Variants in CCDC171 observed in about 807,000 individuals in gnomAD.
CCDC171 encodes coiled-coil domain containing 171.
In CCDC171, 177 loss-of-function variants were observed where a neutral mutation model predicts 168.2. That is an observed-to-expected ratio of 1.05 (90% CI 0.93 to 1.19). The LOEUF (loss-of-function observed/expected upper bound fraction) is 1.19. Among genes scored for constraint, CCDC171 ranks in the 50% most tolerant of loss-of-function variants. The probability of loss-of-function intolerance (pLI) is 0.00; values close to 1 mark genes in which losing one functional copy is unlikely to be tolerated. For missense variants in CCDC171, 1,991 were observed against 1,539.0 expected (o/e 1.29, Z -4.91); for synonymous variants, 687 against 540.8 (o/e 1.27, Z -3.75).
the CCDC171 span, among the ~76,000 whole-genome samples, chr9:16,085,077 G>T: frequency 6.6e-6 from 1 of 152,216 alleles, no homozygotes; most frequent in Non-Finnish European, 1.5e-5. Flanking sequence ...CACCTTGCTT[G>T]GATCCTGGGA....
intron 18 of CCDC171, among the ~76,000 whole-genome samples, chr9:15,757,740 G>T (rs2056211900): frequency 6.6e-6 from 1 of 152,200 alleles, no homozygotes; most frequent in African/African-American, 2.4e-5. Flanking sequence ...CCCCCGTGCT[G>T]TGGTCAGCCT....
rs1022682000 is a variant in CCDC171, at chr9:15,750,119, A to C, written c.2671+4488A>C. ...AGAGAAGAATCAAATAGATGCAATAAAAAATGACAAAGGGGATATCACCAC... is the reference window on the plus strand; with the variant it reads ...AGAGAAGAATCAAATAGATGCAATACAAAATGACAAAGGGGATATCACCAC... On this transcript the variant is annotated intron_variant, in intron 18 of 25. Transcript: ENST00000380701. 2.6e-5 allele frequency among the ~76,000 whole-genome samples: 4 copies of C among 152,130 alleles called. No individual in the cohort carries two copies. The East Asian group carries it at 7.7e-4, about 29-fold the overall frequency.
chr9:16,017,478 C>T (rs1833054424), intron 3 of CCDC171, among the ~76,000 whole-genome samples: 1 of 151,956 alleles, frequency 6.6e-6, no homozygotes, highest in Non-Finnish European at 1.5e-5. Flanking sequence ...CCTCATAGTC[C>T]ATACAACTTT....
At chr9:15,876,888 T>G (rs1187898547) in intron 24 of CCDC171, among the ~76,000 whole-genome samples, 2 of 152,118 alleles carry the variant, frequency 1.3e-5, no homozygotes, top group Non-Finnish European at 2.9e-5. Flanking sequence ...GAAGAGAGGA[T>G]CACTCAGCAG....
At chr9:16,045,591 C>A (rs1299133826) in intron 1 of CCDC171, among the ~76,000 whole-genome samples, 1 of 152,124 alleles carries the variant, frequency 6.6e-6, no homozygotes, top group Non-Finnish European at 1.5e-5. Flanking sequence ...CAACTCTGGC[C>A]ATGGGTAGTC....
chr9:15,695,233 A>G lies in CCDC171; in HGVS notation c.1216-2A>G, dbSNP rs990704795. Reference sequence around the variant, plus strand: ...ATGTGTAATTTTTTTCTTAATTAAAAGGCTAAGAAGCACCAGGCCTTCCTA... The same window carrying G: ...ATGTGTAATTTTTTTCTTAATTAAAGGGCTAAGAAGCACCAGGCCTTCCTA... On this transcript the variant is annotated splice_acceptor_variant, in intron 10 of 25. Coordinates refer to ENST00000380701, the MANE Select transcript of CCDC171 (RefSeq NM_173550.4). LOFTEE classifies it high-confidence loss of function. 7 of 1,610,118 alleles carry G rather than the reference A, an allele frequency of 4.3e-6. No homozygotes were observed. Among genetic ancestry groups the G allele is most frequent in the Middle Eastern group, 3.3e-4 (2 of 6,084 alleles).
intron 3 of CCDC171, among the ~76,000 whole-genome samples, chr9:15,982,196 G>C (rs1386842231): frequency 6.7e-6 from 1 of 149,900 alleles, no homozygotes; most frequent in East Asian, 1.9e-4. Flanking sequence ...TCATAGCACA[G>C]ACATAGCCTT....
At chr9:15,818,189 A>G (rs2059631593) in intron 21 of CCDC171, among the ~76,000 whole-genome samples, 1 of 117,026 alleles carries the variant, frequency 8.5e-6, no homozygotes, top group Admixed American at 8.1e-5. Context: ...CCAAAACCCC[A>G]TCTGTACGTC....
chr9:15,950,847 A>T (rs1287968768), intron 25 of CCDC171, among the ~76,000 whole-genome samples: 1 of 151,556 alleles, frequency 6.6e-6, no homozygotes, highest in Non-Finnish European at 1.5e-5. Context: ...TAAAGAGTCA[A>T]GACCCATCAG....
At chr9:15,640,995 T>G (rs777607790) in intron 7 of CCDC171, among the ~76,000 whole-genome samples, 6 of 152,132 alleles carry the variant, frequency 3.9e-5, no homozygotes, top group Non-Finnish European at 8.8e-5. Flanking sequence ...TAACAGCTAT[T>G]AAAATGTAAC....
At chr9:15,666,374 A>G (rs762747808) in intron 9 of CCDC171, 51 bp downstream of exon 9, 1 of 1,320,020 alleles carries the variant, frequency 7.6e-7, no homozygotes, top group East Asian at 2.5e-5. Flanking sequence ...ATTTTAAAAG[A>G]GCTATATAAA....
intron 25 of CCDC171, among the ~76,000 whole-genome samples, chr9:15,952,162 G>C (rs1215054007): frequency 6.6e-6 from 1 of 152,074 alleles, no homozygotes; most frequent in Non-Finnish European, 1.5e-5. Flanking sequence ...AAATGGTGTT[G>C]ACATCCTTGT....
At chr9:16,001,693 G>C (rs1377372361) in intron 3 of CCDC171, among the ~76,000 whole-genome samples, 4 of 152,064 alleles carry the variant, frequency 2.6e-5, no homozygotes, top group Admixed American at 6.6e-5. Context: ...TAACACAGTA[G>C]TACAATGCAA....
In CCDC171 at chr9:15,694,623, A is replaced by G. The variant is rs533848955; in HGVS notation, c.1216-612A>G. Among the ~76,000 whole-genome samples the G allele has an allele frequency of 2.4e-4, 36 of 152,286 alleles. No homozygotes were observed. In the South Asian group the frequency reaches 7.5e-3, roughly 32 times the overall value. ...AGTCTCAACTCTTCTTTTTCTGCGTACTTCCCTTATCCTCATCCAATCCAA... is the reference window on the plus strand; with the variant it reads ...AGTCTCAACTCTTCTTTTTCTGCGTGCTTCCCTTATCCTCATCCAATCCAA... On this transcript the variant is annotated intron_variant, in intron 10 of 25. Transcript: ENST00000380701.
chr9:15,753,190 A>G (rs1180894607), intron 18 of CCDC171, among the ~76,000 whole-genome samples: 3 of 152,112 alleles, frequency 2.0e-5, no homozygotes, highest in African/African-American at 7.2e-5. Flanking sequence ...GAATCTACAG[A>G]AGGTGCTGCT....
intron 6 of CCDC171, among the ~76,000 whole-genome samples, chr9:16,023,879 T>C (rs1214226483): frequency 8.3e-6 from 1 of 120,536 alleles, no homozygotes; most frequent in Non-Finnish European, 1.6e-5. Context: ...CCTGGATCCA[T>C]GTTACCTTAC....
intron 23 of CCDC171, among the ~76,000 whole-genome samples, chr9:15,852,816 C>T (rs1468189392): frequency 1.3e-5 from 2 of 151,532 alleles, no homozygotes; most frequent in East Asian, 3.9e-4. Context: ...ATTCCAGCAC[C>T]ATTTGTTGAA....
intron 4 of CCDC171, among the ~76,000 whole-genome samples, chr9:15,582,625 C>T (rs1290569373): frequency 1.3e-5 from 2 of 152,120 alleles, no homozygotes; most frequent in Non-Finnish European, 2.9e-5. Flanking sequence ...AGTTCATGTC[C>T]TTTGCAGGGA....
chr9:15,897,176 A>G (rs560669829), intron 24 of CCDC171, among the ~76,000 whole-genome samples: 47 of 152,198 alleles, frequency 3.1e-4, no homozygotes, highest in African/African-American at 1.1e-3. Flanking sequence ...TTGCTTGTCA[A>G]GTCCTTTACT....
Sources: gnomAD v4.1 joint callset for allele counts (sites outside exome capture counted in the v4.1 genomes callset) on GRCh38, gnomAD v4.1.1 for gene constraint, MANE v1.5 for transcripts, NCBI Gene and HGNC (gene_info 2026-07-23, HGNC 2026-07-21) for gene names.